The following TASOR variants were observed in gnomAD, a reference collection of about 807,000 sequenced individuals.
The protein encoded by TASOR is protein TASOR.
TASOR carries 53 observed loss-of-function variants against 178.6 expected under a neutral mutation model. The ratio of observed to expected loss-of-function variants is 0.30; its 90% CI spans 0.24 to 0.37. The LOEUF is 0.37. Ranked by LOEUF, TASOR falls within the 10% of genes least tolerant of loss-of-function variation. The probability of loss-of-function intolerance (pLI) is 1.00; values close to 1 mark genes in which losing one functional copy is unlikely to be tolerated. For missense variants in TASOR, 1,815 were observed against 1,971.4 expected (o/e 0.92, Z 1.50); for synonymous variants, 713 against 696.2 (o/e 1.02, Z -0.38).
intron 1 of TASOR, among the ~76,000 whole-genome samples, chr3:56,674,544 G>A (rs1049355093): frequency 4.6e-5 from 7 of 152,038 alleles, no homozygotes; most frequent in Non-Finnish European, 7.4e-5. Flanking sequence ...CTGCACTCAC[G>A]TGGCTTCTTG....
In TASOR at chr3:56,683,124, C is replaced by T; in HGVS notation, c.-118G>A. On this transcript the variant is annotated 5_prime_UTR_variant, in exon 1 of 24. Coordinates refer to ENST00000683822, the MANE Select transcript of TASOR (RefSeq NM_001365635.2). Reference sequence around the variant, plus strand: ...CTCTCAGCCCACCCACCCCCTTCCCCCCGTGGCCTCAGGCTGCGCTCCCGA... The same window carrying T: ...CTCTCAGCCCACCCACCCCCTTCCCTCCGTGGCCTCAGGCTGCGCTCCCGA... 2 of 1,216,160 alleles carry T rather than the reference C, an allele frequency of 1.6e-6. No individual in the cohort carries two copies. The highest frequency in any genetic ancestry group is 2.2e-6 in the Non-Finnish European group (2 of 900,946). The allele number at this position is 1,216,160 out of a possible 1,614,324, so 75.3% of individuals were successfully genotyped here. A position where few individuals can be genotyped will look rare whatever the true frequency, so the allele number is the denominator to read the frequency against.
rs1249556986 is a variant in TASOR, at chr3:56,627,659, G to A, written c.3953C>T (p.Thr1318Ile). ...VDSLDDVKNH[T>I]YNELFVSGGF... The stretch of plus-strand genomic sequence containing the variant: ...TCCAGATACAAATAATTCATTGTAT[G>A]TATGATTTTTAACATCATCCAGGCT... The change falls in exon 20 of 24, where the codon ACA becomes ATA. Residue 1318 changes from threonine (T) to isoleucine (I), a missense_variant. Thr to Ile is a moderately conservative substitution (Grantham distance 89, BLOSUM62 -1). Around this residue, in one of 5 missense-constraint regions of TASOR, gnomAD observed 134 missense variants for 195.2 expected, o/e 0.69. Coordinates refer to ENST00000683822, the MANE Select transcript of TASOR (RefSeq NM_001365635.2). 6.2e-7 allele frequency: 1 copy of A among 1,613,776 alleles called. No homozygotes were observed. Among genetic ancestry groups the A allele is most frequent in the South Asian group, 1.1e-5 (1 of 91,078 alleles).
At chr3:56,645,887 G>C (rs1020517631) in intron 14 of TASOR, among the ~76,000 whole-genome samples, 1 of 152,292 alleles carries the variant, frequency 6.6e-6, no homozygotes, top group Non-Finnish European at 1.5e-5. Flanking sequence ...GGTGGCTCAC[G>C]CCTGTAATCC....
rs114958599 is a variant in TASOR at position 56,682,904 on chromosome 3, C to T, written c.103G>A (p.Glu35Lys). ...DEMKQALPEL[E>K]SSQQNGGGGG... ...CCGCCGCCATTTTGTTGGGAGGACT[C>T]AAGCTCCGGAAGCGCCTGCTTCATC... is the stretch of plus-strand genomic sequence containing the variant. The change falls in exon 1 of 24, where the codon GAG (glutamate) becomes AAG (lysine). Residue 35 changes from glutamate to lysine, a missense_variant. This residue lies in a region of TASOR where 244 missense variants were observed against 202.7 expected (regional missense o/e 1.20). Coordinates refer to ENST00000683822, the MANE Select transcript of TASOR (RefSeq NM_001365635.2). 9.4e-4 allele frequency: 1,455 copies of T among 1,539,764 alleles called. 10 individuals are homozygous for T. In the African/African-American group the frequency reaches 0.016, roughly 17 times the overall value.
intron 1 of TASOR, among the ~76,000 whole-genome samples, chr3:56,678,197 T>TTTC (rs386396717): frequency 1.4e-5 from 2 of 142,588 alleles, no homozygotes; most frequent in Non-Finnish European, 3.0e-5. Context: ...TTTTTTTTTT[T>TTTC]TTGAGATGGA....
At chr3:56,670,633 C>T (rs1053928429) in intron 3 of TASOR, among the ~76,000 whole-genome samples, 1 of 152,030 alleles carries the variant, frequency 6.6e-6, no homozygotes, top group East Asian at 1.9e-4. Context: ...TAAATATCTT[C>T]GATTAAAAGG....
At position 56,683,218 on chromosome 3, in the gene TASOR, C is replaced by G. The variant is rs933414542; in HGVS notation, c.-212G>C. 2.0e-6 allele frequency: 1 copy of G among 499,270 alleles called. No individual in the cohort carries two copies. The highest frequency in any genetic ancestry group is 3.5e-6 in the Non-Finnish European group (1 of 287,276). The allele number at this position is 499,270 out of a possible 1,614,324, so 30.9% of individuals were successfully genotyped here. ...CGCTGCCCGGTCCTCGGAGCCGCTCCTCCCTCGGGCAGTTCTTCTGCCTTC... is the reference window on the plus strand; with the variant it reads ...CGCTGCCCGGTCCTCGGAGCCGCTCGTCCCTCGGGCAGTTCTTCTGCCTTC... On this transcript the variant is annotated 5_prime_UTR_variant, in exon 1 of 24. Transcript: ENST00000683822.
intron 1 of TASOR, among the ~76,000 whole-genome samples, chr3:56,681,565 T>C (rs2031783845): frequency 1.3e-5 from 2 of 152,114 alleles, no homozygotes; most frequent in African/African-American, 4.8e-5. Context: ...GTGATGCTTA[T>C]GGAAAGTCAG....
At chr3:56,676,562 G>GATTTTAAAAGTTGGGTTATT (rs2031316664) in intron 1 of TASOR, among the ~76,000 whole-genome samples, 1 of 152,134 alleles carries the variant, frequency 6.6e-6, no homozygotes, top group Non-Finnish European at 1.5e-5. Context: ...GTTGGGTTAT[G>GATTTTAAAAGTTGGGTTATT]ATTTTAAAAG....
chr3:56,659,791 C>A (rs535599524), intron 11 of TASOR, among the ~76,000 whole-genome samples: 1 of 152,250 alleles, frequency 6.6e-6, no homozygotes, highest in South Asian at 2.1e-4. Context: ...CGCTGTATGA[C>A]ACAGGTCCCT....
rs373108168 is a variant in TASOR, at chr3:56,627,775, T to G, written c.3871-34A>C. The stretch of plus-strand genomic sequence containing the variant: ...ATCCCAAAACAAAAAGAGAAACAGA[T>G]GGAGGGAATGAATTGACAGACTCAA... On this transcript the variant is annotated intron_variant, in intron 19 of 23. Transcript: ENST00000683822. 63 of 1,600,664 alleles carry G rather than the reference T, an allele frequency of 3.9e-5. No individual in the cohort carries two copies. In the African/African-American group the frequency reaches 4.2e-4, roughly 11 times the overall value.
chr3:56,628,007 T>C (rs1468270410), intron 19 of TASOR, among the ~76,000 whole-genome samples: 2 of 152,120 alleles, frequency 1.3e-5, no homozygotes, highest in Non-Finnish European at 2.9e-5. Context: ...AAAGCTGACC[T>C]CTCTATAACC....
chr3:56,644,952 C>A (rs2077205068), intron 14 of TASOR, among the ~76,000 whole-genome samples: 1 of 152,130 alleles, frequency 6.6e-6, no homozygotes, highest in Admixed American at 6.5e-5. Context: ...GTGGCTACCA[C>A]ATTGAATACC....
intron 23 of TASOR, 81 bp from the exon 24 acceptor site, chr3:56,623,647 A>G (rs2076737305): frequency 2.6e-6 from 4 of 1,543,732 alleles, no homozygotes; most frequent in Non-Finnish European, 3.5e-6. Flanking sequence ...TACTCACACA[A>G]TATAACGCGT....
intron 17 of TASOR, among the ~76,000 whole-genome samples, chr3:56,636,242 C>T (rs1422945566): frequency 6.6e-6 from 1 of 150,840 alleles, no homozygotes; most frequent in Non-Finnish European, 1.5e-5. Flanking sequence ...TGCACCACTG[C>T]ACTCCAGCCT....
At chr3:56,672,615 ATTC>A (rs1374825177) in intron 2 of TASOR, among the ~76,000 whole-genome samples, 1 of 152,246 alleles carries the variant, frequency 6.6e-6, no homozygotes, top group African/African-American at 2.4e-5. Context: ...ATGCTCAATT[ATTC>A]TTCTTTGTTT....
intron 20 of TASOR, 22 bp from the exon 21 acceptor site, chr3:56,627,167 G>T: frequency 7.3e-7 from 1 of 1,372,600 alleles, no homozygotes; most frequent in Non-Finnish European, 1.0e-6. Context: ...AATGAAGTTT[G>T]TTTTTAATTC....
At chr3:56,648,464 C>T (rs2077280767) in intron 13 of TASOR, among the ~76,000 whole-genome samples, 1 of 151,226 alleles carries the variant, frequency 6.6e-6, no homozygotes, top group African/African-American at 2.4e-5. Context: ...CCCGTCTCTA[C>T]TAAAAATACA....
At chr3:56,669,005 A>G (rs2030369101) in intron 5 of TASOR, among the ~76,000 whole-genome samples, 2 of 151,962 alleles carry the variant, frequency 1.3e-5, no homozygotes, top group African/African-American at 4.8e-5. Context: ...CTCATAGAAC[A>G]CTTTTACCAA....
Sources: allele counts gnomAD v4.1 joint callset (sites outside exome capture counted in the v4.1 genomes callset), GRCh38; gene constraint gnomAD v4.1.1; regional missense constraint gnomAD v4.1.1; transcripts MANE v1.5; gene names NCBI Gene and HGNC (gene_info 2026-07-23, HGNC 2026-07-21).